RERG: variants seen among roughly 807,000 people sequenced by gnomAD.
RERG encodes the protein ras-related and estrogen-regulated growth inhibitor.
Under a neutral mutation model 23.2 loss-of-function variants are expected in RERG, and 25 were observed. The observed-to-expected ratio is 1.08, with a 90% CI of 0.79 to 1.50. The LOEUF (loss-of-function observed/expected upper bound fraction) is 1.50, where lower values mean the gene tolerates loss of function less well. RERG is among the 40% of genes most tolerant of loss of function. RERG has a pLI of 0.00. For missense variants in RERG, 253 were observed against 250.1 expected, an observed-to-expected ratio of 1.01 and a Z score of -0.08; for synonymous variants, 81 against 89.1, an observed-to-expected ratio of 0.91 and a Z score of 0.51.
chr12:15,140,174 G>A (rs1864213135), intron 2 of RERG, among the ~76,000 whole-genome samples: 1 of 152,018 alleles, frequency 6.6e-6, no homozygotes, highest in African/African-American at 2.4e-5. Context: ...GGAGCCTTTC[G>A]GAGACAATAG....
chr12:15,109,224 T>C lies in RERG; in HGVS notation c.486A>G (p.Glu162=), dbSNP rs1305991903. Residue 162 remains glutamate (E), a synonymous_variant, in exon 5 of 5, where the codon GAA becomes GAG. Coordinates refer to ENST00000256953, the MANE Select transcript of RERG (RefSeq NM_032918.3). Reference sequence around the variant, plus strand: ...TCCGGCGACGCACCTCTCGACACAATTCATAGAATATCTCTGTGATGTTCC... The same window carrying C: ...TCCGGCGACGCACCTCTCGACACAACTCATAGAATATCTCTGTGATGTTCC... The part of the protein sequence containing the change: ...GEGNITEIFY[E]LCREVRRRRM... The C allele has an allele frequency of 1.2e-6, 2 of 1,614,128 alleles. No homozygotes were observed. The highest frequency in any genetic ancestry group is 3.3e-4 in the Middle Eastern group (2 of 6,058).
At chr12:15,118,372 T>C (rs1278642668) in intron 3 of RERG, among the ~76,000 whole-genome samples, 4 of 152,156 alleles carry the variant, frequency 2.6e-5, no homozygotes, top group Non-Finnish European at 4.4e-5. Flanking sequence ...ACAATTCTGT[T>C]CCAGGTTTAA....
intron 3 of RERG, among the ~76,000 whole-genome samples, chr12:15,112,813 G>A (rs1312115930): frequency 6.6e-6 from 1 of 152,102 alleles, no homozygotes; most frequent in Non-Finnish European, 1.5e-5. Context: ...ATAGAGGAGT[G>A]GAAATTATTG....
At chr12:15,195,504 T>G (rs1400963868) in intron 2 of RERG, among the ~76,000 whole-genome samples, 1 of 151,058 alleles carries the variant, frequency 6.6e-6, no homozygotes, top group Non-Finnish European at 1.5e-5. Context: ...TTCCATAACT[T>G]CCCATGGAAA....
chr12:15,197,919 C>T (rs181062583), intron 2 of RERG, among the ~76,000 whole-genome samples: 2 of 152,076 alleles, frequency 1.3e-5, no homozygotes, highest in Admixed American at 6.6e-5. Context: ...GTCCCTTTTG[C>T]CCAAGGAGAC....
At chr12:15,182,508 G>C (rs1461454910) in intron 2 of RERG, among the ~76,000 whole-genome samples, 1 of 152,048 alleles carries the variant, frequency 6.6e-6, no homozygotes, top group East Asian at 1.9e-4. Flanking sequence ...ATCGAATATT[G>C]ACTCAAAGAT....
chr12:15,139,878 C>T (rs559573852), intron 2 of RERG, among the ~76,000 whole-genome samples: 1 of 152,172 alleles, frequency 6.6e-6, no homozygotes, highest in Admixed American at 6.5e-5. Context: ...AGGGGATATC[C>T]TTGCCTTGTT....
chr12:15,154,193 A>C (rs1413070400), intron 2 of RERG: 3 of 152,196 alleles, frequency 2.0e-5, no homozygotes, highest in Non-Finnish European at 4.4e-5. Context: ...CTAGCAAACT[A>C]GTACAGTTAT....
intron 2 of RERG, among the ~76,000 whole-genome samples, chr12:15,208,369 G>A (rs1865321170): frequency 6.6e-6 from 1 of 152,150 alleles, no homozygotes; most frequent in African/African-American, 2.4e-5. Context: ...TCCTGTCACT[G>A]GAGACAGTCA....
At chr12:15,158,519 C>G (rs537680629) in intron 2 of RERG, among the ~76,000 whole-genome samples, 2 of 152,006 alleles carry the variant, frequency 1.3e-5, no homozygotes, top group African/African-American at 2.4e-5. Flanking sequence ...TGGGCTCAAG[C>G]GATCCACCTA....
intron 2 of RERG, among the ~76,000 whole-genome samples, chr12:15,160,741 G>A (rs1864591971): frequency 6.6e-6 from 1 of 152,146 alleles, no homozygotes; most frequent in Non-Finnish European, 1.5e-5. Context: ...CCACAGCTTG[G>A]ATGGCAGCAT....
At chr12:15,136,282 A>G (rs1040533041) in intron 2 of RERG, among the ~76,000 whole-genome samples, 8 of 151,684 alleles carry the variant, frequency 5.3e-5, no homozygotes, top group African/African-American at 1.9e-4. Context: ...AGTAATTTGC[A>G]TCTTCTTTTT....
chr12:15,162,392 T>C (rs1864628087), intron 2 of RERG, among the ~76,000 whole-genome samples: 1 of 152,186 alleles, frequency 6.6e-6, no homozygotes, highest in South Asian at 2.1e-4. Context: ...GGGGAGAGCT[T>C]GGGCATATAA....
At chr12:15,112,988 C>T (rs950288615) in intron 3 of RERG, among the ~76,000 whole-genome samples, 5 of 152,188 alleles carry the variant, frequency 3.3e-5, no homozygotes, top group Non-Finnish European at 5.9e-5. Flanking sequence ...GAGAATAAAG[C>T]ACATCACCTA....
At chr12:15,142,317 C>A (rs990324628) in intron 2 of RERG, among the ~76,000 whole-genome samples, 16 of 152,132 alleles carry the variant, frequency 1.1e-4, no homozygotes, top group African/African-American at 3.9e-4. Context: ...CTCTTGCTAG[C>A]AACTCTAAGA....
At chr12:15,200,632 T>C (rs915775824) in intron 2 of RERG, among the ~76,000 whole-genome samples, 1 of 152,000 alleles carries the variant, frequency 6.6e-6, no homozygotes, top group Non-Finnish European at 1.5e-5. Context: ...TCCAGTTATT[T>C]GATTCACAAG....
At position 15,111,406 on chromosome 12, in the gene RERG, G is replaced by A. The variant is rs781381649; in HGVS notation, c.130C>T (p.Arg44Ter). The A allele has an allele frequency of 1.4e-5, 22 of 1,612,372 alleles. No homozygotes were observed. The highest frequency in any genetic ancestry group is 5.3e-5 in the African/African-American group (4 of 74,798). ...EYDPTLESTY[R>*]HQATIDDEVV... ...TCATCATCGATGGTTGCTTGGTGTC[G>A]GTAGGTTGATTCTAAGGGAATGAGC... The change falls in exon 4 of 5, where the codon CGA becomes TGA. Residue 44 changes from arginine (R) to a stop codon, truncating the protein, a stop_gained. Coordinates refer to ENST00000256953, the MANE Select transcript of RERG (RefSeq NM_032918.3). LOFTEE classifies it high-confidence loss of function.
At chr12:15,216,978 T>C (rs1236121094) in intron 2 of RERG, 1 of 153,154 alleles carries the variant, frequency 6.5e-6, no homozygotes, top group East Asian at 1.9e-4. Context: ...ATAATGCAAT[T>C]CTGTTTCTGA....
chr12:15,113,045 C>G (rs1044765819), intron 3 of RERG, among the ~76,000 whole-genome samples: 2 of 152,148 alleles, frequency 1.3e-5, no homozygotes, highest in African/African-American at 4.8e-5. Flanking sequence ...GCCAGTGAAA[C>G]TGAATTCAAG....
Sources: allele counts gnomAD v4.1 joint callset (sites outside exome capture counted in the v4.1 genomes callset), GRCh38; gene constraint gnomAD v4.1.1; transcripts MANE v1.5; gene names NCBI Gene and HGNC (gene_info 2026-07-23, HGNC 2026-07-21).